The following TUSC3 variants were observed in gnomAD, a reference collection of about 807,000 sequenced individuals.
The protein encoded by TUSC3 is tumor suppressor candidate 3, also known as dolichyl-diphosphooligosaccharide--protein glycosyltransferase subunit TUSC3.
Under a neutral mutation model 44.8 loss-of-function variants are expected in TUSC3, and 45 were observed. The ratio of observed to expected loss-of-function variants is 1.00; its 90% CI spans 0.79 to 1.29. TUSC3 has a LOEUF of 1.29. Ranked by LOEUF, TUSC3 falls within the 50% of genes most tolerant of loss-of-function variation. TUSC3 has a pLI of 0.00. For synonymous variants in TUSC3, 212 were observed against 152.9 expected (o/e 1.39, Z -2.85); for missense variants, 519 against 437.9 (o/e 1.19, Z -1.65).
chr8:15,693,526 C>G (rs565578217), intron 6 of TUSC3, among the ~76,000 whole-genome samples: 22 of 142,106 alleles, frequency 1.5e-4, no homozygotes, highest in African/African-American at 5.8e-4. Context: ...TGTTTTAAGC[C>G]TTATTGGGGG....
At chr8:15,597,486 T>C (rs1341514199) in intron 1 of TUSC3, among the ~76,000 whole-genome samples, 1 of 152,176 alleles carries the variant, frequency 6.6e-6, no homozygotes, top group African/African-American at 2.4e-5. Context: ...TTTCTTTAAA[T>C]TATTGCCTTT....
At chr8:15,835,226 C>G in the TUSC3 span, among the ~76,000 whole-genome samples, 539 of 152,180 alleles carry the variant, frequency 3.5e-3, 2 homozygotes, top group African/African-American at 0.011. Context: ...GGTTTGTAAA[C>G]TTATTTACGT....
At chr8:15,452,714 G>T (rs920581591) in intron 1 of TUSC3, among the ~76,000 whole-genome samples, 7 of 152,112 alleles carry the variant, frequency 4.6e-5, no homozygotes, top group African/African-American at 1.4e-4. Flanking sequence ...GCTATCACCA[G>T]ACCCTGGGCT....
Position 15,635,527 on chromosome 8 carries a change from A to ACATATTTTAATTTAAAAATTCT in TUSC3, c.308+12299_308+12300insTCATATTTTAATTTAAAAATTC, listed in dbSNP as rs1806027160. On this transcript the variant is annotated intron_variant, in intron 2 of 10. Transcript: ENST00000503731. The stretch of plus-strand genomic sequence containing the variant: ...ATAGTCCAGAGAGCCAGAAATAATG[A>ACATATTTTAATTTAAAAATTCT]CATATTTTAATTTAAAAATTCACAA... 8.5e-5 allele frequency among the ~76,000 whole-genome samples: 13 copies of ACATATTTTAATTTAAAAATTCT among 152,316 alleles called. 1 individual carries two copies. The South Asian group carries it at 2.7e-3, about 32-fold the overall frequency.
chr8:15,608,796 TGTCA>T (rs1804641875), intron 1 of TUSC3, among the ~76,000 whole-genome samples: 1 of 152,324 alleles, frequency 6.6e-6, no homozygotes. Context: ...CATGCGTAAC[TGTCA>T]GTCAATTAAA....
chr8:15,553,806 G>C (rs553100492), intron 1 of TUSC3, among the ~76,000 whole-genome samples: 1 of 151,694 alleles, frequency 6.6e-6, no homozygotes, highest in African/African-American at 2.4e-5. Context: ...AGAATGTTAT[G>C]TCAGGTGACT....
chr8:15,505,009 C>G (rs1056200346), intron 2 of TUSC3, among the ~76,000 whole-genome samples: 6 of 152,144 alleles, frequency 3.9e-5, no homozygotes, highest in African/African-American at 1.4e-4. Context: ...AATACTGTAT[C>G]AACATCTATT....
chr8:15,464,495 C>T (rs191748127), intron 1 of TUSC3, among the ~76,000 whole-genome samples: 43 of 152,186 alleles, frequency 2.8e-4, no homozygotes, highest in African/African-American at 9.4e-4. Context: ...TTTCATGATG[C>T]TTTCTATCTA....
At chr8:15,640,651 G>C (rs1806323487) in intron 2 of TUSC3, among the ~76,000 whole-genome samples, 1 of 152,088 alleles carries the variant, frequency 6.6e-6, no homozygotes, top group Admixed American at 6.5e-5. Flanking sequence ...ATAAATTTGT[G>C]GCTTTTTGTC....
At chr8:15,630,804 G>A (rs1425701859) in intron 2 of TUSC3, among the ~76,000 whole-genome samples, 1 of 152,152 alleles carries the variant, frequency 6.6e-6, no homozygotes, top group Admixed American at 6.5e-5. Context: ...ATGGGGACTG[G>A]TGAATTGAAT....
the TUSC3 span, among the ~76,000 whole-genome samples, chr8:15,840,888 T>C: frequency 6.6e-6 from 1 of 152,228 alleles, no homozygotes; most frequent in Admixed American, 6.5e-5. Context: ...GTCAGTAATT[T>C]AATGGCAAAT....
intron 2 of TUSC3, among the ~76,000 whole-genome samples, chr8:15,627,882 G>T (rs1018264696): frequency 6.6e-6 from 1 of 152,224 alleles, no homozygotes; most frequent in Non-Finnish European, 1.5e-5. Flanking sequence ...GGTAGCGGGA[G>T]CTGAGTGGAG....
At chr8:15,656,247 C>G (rs537189663) in intron 3 of TUSC3, among the ~76,000 whole-genome samples, 5 of 152,022 alleles carry the variant, frequency 3.3e-5, no homozygotes, top group Non-Finnish European at 7.4e-5. Flanking sequence ...ATTCTAGTAC[C>G]AACTCAAAAT....
At chr8:15,429,382 A>G (rs1426173665) in intron 1 of TUSC3, among the ~76,000 whole-genome samples, 1 of 150,592 alleles carries the variant, frequency 6.6e-6, no homozygotes, top group Non-Finnish European at 1.5e-5. Flanking sequence ...GCCTTGTAGT[A>G]TAGTTTGAAG....
the TUSC3 span, among the ~76,000 whole-genome samples, chr8:15,774,908 A>G: frequency 2.0e-5 from 3 of 152,148 alleles, no homozygotes; most frequent in Admixed American, 2.0e-4. Context: ...CTTTGGAAAC[A>G]AATTAGTAGT....
chr8:15,465,677 G>A (rs1800405116), intron 1 of TUSC3, among the ~76,000 whole-genome samples: 1 of 152,110 alleles, frequency 6.6e-6, no homozygotes, highest in African/African-American at 2.4e-5. Context: ...ACTTTTATCT[G>A]CAAACACCTT....
intron 3 of TUSC3, among the ~76,000 whole-genome samples, chr8:15,654,582 T>C (rs946609113): frequency 6.6e-6 from 1 of 152,116 alleles, no homozygotes; most frequent in Non-Finnish European, 1.5e-5. Flanking sequence ...AAAAGGTTTA[T>C]GAAAATAATA....
chr8:15,580,944 T>G (rs1309514915), intron 1 of TUSC3, among the ~76,000 whole-genome samples: 1 of 117,542 alleles, frequency 8.5e-6, no homozygotes, highest in Non-Finnish European at 1.7e-5. Flanking sequence ...CCCCATCACT[T>G]TCAGGTACAC....
intron 2 of TUSC3, among the ~76,000 whole-genome samples, chr8:15,631,668 TTGTGTG>T (rs147004169): frequency 0.17 from 25,211 of 144,982 alleles, 2,326 homozygotes; most frequent in Non-Finnish European, 0.22. Context: ...TTTAAGGCTG[TTGTGTG>T]TGTGTGTGTG....
Sources: gnomAD v4.1 joint callset for allele counts (sites outside exome capture counted in the v4.1 genomes callset) on GRCh38, gnomAD v4.1.1 for gene constraint, MANE v1.5 for transcripts, NCBI Gene and HGNC (gene_info 2026-07-23, HGNC 2026-07-21) for gene names.